Variants in NRXN3 observed in about 807,000 individuals in gnomAD.
The protein encoded by NRXN3 is neurexin III.
In NRXN3, 32 loss-of-function variants were observed where a neutral mutation model predicts 137.6. The observed-to-expected ratio is 0.23, with a 90% CI of 0.18 to 0.31. The LOEUF (loss-of-function observed/expected upper bound fraction) is 0.31, where lower values mean the gene tolerates loss of function less well. Ranked by LOEUF, NRXN3 falls within the 10% of genes least tolerant of loss-of-function variation. NRXN3 has a pLI of 1.00. For synonymous variants in NRXN3, 798 were observed against 784.5 expected, an observed-to-expected ratio of 1.02 and a Z score of -0.29; for missense variants, 1,574 against 2,062.5, an observed-to-expected ratio of 0.76 and a Z score of 4.59.
intron 4 of NRXN3, among the ~76,000 whole-genome samples, chr14:78,633,582 T>G (rs560950331): frequency 3.9e-5 from 6 of 152,292 alleles, no homozygotes; most frequent in African/African-American, 1.4e-4. Flanking sequence ...TTAATTTTTA[T>G]TAGTATCAGC....
intron 11 of NRXN3, among the ~76,000 whole-genome samples, chr14:78,958,566 A>G (rs189582769): frequency 7.3e-4 from 111 of 152,266 alleles, no homozygotes; most frequent in African/African-American, 2.5e-3. Context: ...CGTGTTAGCC[A>G]GGATGGTCTC....
At chr14:78,840,390 T>C (rs895868318) in intron 10 of NRXN3, among the ~76,000 whole-genome samples, 1 of 152,188 alleles carries the variant, frequency 6.6e-6, no homozygotes, top group Non-Finnish European at 1.5e-5. Context: ...GAAAAGAGAT[T>C]GGATCAATAT....
At chr14:79,822,828 CAAACAAAA>C (rs79628590) in intron 20 of NRXN3, among the ~76,000 whole-genome samples, 2,356 of 151,716 alleles carry the variant, frequency 0.016, 23 homozygotes, top group Middle Eastern at 0.027. Flanking sequence ...AACAAACAAA[CAAACAAAA>C]AAACCAAAAA....
intron 10 of NRXN3, among the ~76,000 whole-genome samples, chr14:78,819,286 A>G (rs2153120709): frequency 1.3e-5 from 2 of 152,340 alleles, no homozygotes; most frequent in South Asian, 4.1e-4. Context: ...TTGGTCCTCC[A>G]TAACTGCTGG....
intron 19 of NRXN3, among the ~76,000 whole-genome samples, chr14:79,717,521 T>C (rs1029498660): frequency 6.6e-6 from 1 of 152,280 alleles, no homozygotes; most frequent in African/African-American, 2.4e-5. Context: ...TACTTTGCAC[T>C]TTTTTTCCCC....
chr14:79,180,418 A>C (rs150526506), intron 15 of NRXN3, among the ~76,000 whole-genome samples: 1 of 152,336 alleles, frequency 6.6e-6, no homozygotes, highest in African/African-American at 2.4e-5. Flanking sequence ...AGTAGGAAAT[A>C]TCTGAGCATT....
intron 15 of NRXN3, among the ~76,000 whole-genome samples, chr14:79,225,659 C>T (rs755687742): frequency 1.3e-5 from 2 of 152,026 alleles, no homozygotes; most frequent in South Asian, 2.1e-4. Flanking sequence ...CTTTTTACCC[C>T]CTGAATCTAA....
chr14:79,849,614 G>A (rs1286675468), intron 20 of NRXN3, among the ~76,000 whole-genome samples: 4 of 152,180 alleles, frequency 2.6e-5, no homozygotes, highest in South Asian at 2.1e-4. Flanking sequence ...AACATGTGTC[G>A]ATGAGAGTGT....
At chr14:79,763,398 G>T (rs529565215) in intron 19 of NRXN3, among the ~76,000 whole-genome samples, 1 of 67,614 alleles carries the variant, frequency 1.5e-5, no homozygotes, top group African/African-American at 4.5e-5. Flanking sequence ...ATAGTAGAAT[G>T]ATTTATAATC....
intron 20 of NRXN3, among the ~76,000 whole-genome samples, chr14:79,824,464 G>A (rs2099285627): frequency 6.6e-6 from 1 of 151,990 alleles, no homozygotes; most frequent in Admixed American, 6.6e-5. Context: ...AGATCTTTCA[G>A]CAGATGTTGT....
chr14:78,286,650 A>C (rs892989677), intron 3 of NRXN3, among the ~76,000 whole-genome samples: 4 of 152,192 alleles, frequency 2.6e-5, no homozygotes, highest in Non-Finnish European at 5.9e-5. Flanking sequence ...TGCACTGGGC[A>C]GGTGGTCCGC....
chr14:79,763,741 C>T (rs1312893922), intron 19 of NRXN3, among the ~76,000 whole-genome samples: 6 of 151,420 alleles, frequency 4.0e-5, no homozygotes, highest in African/African-American at 7.4e-5. Context: ...ACCAGTTTTT[C>T]AAGAGAATTA....
At chr14:79,223,207 A>G (rs1197021427) in intron 15 of NRXN3, among the ~76,000 whole-genome samples, 1 of 152,094 alleles carries the variant, frequency 6.6e-6, no homozygotes, top group Non-Finnish European at 1.5e-5. Context: ...GAAGACTCAC[A>G]TTTCAATTCT....
intron 15 of NRXN3, among the ~76,000 whole-genome samples, chr14:79,125,862 T>C (rs1185817165): frequency 6.6e-6 from 1 of 152,184 alleles, no homozygotes; most frequent in Non-Finnish European, 1.5e-5. Flanking sequence ...CACTGCATGA[T>C]GTATACTTAC....
intron 4 of NRXN3, among the ~76,000 whole-genome samples, chr14:78,579,534 TAA>T (rs201034587): frequency 8.7e-4 from 120 of 137,468 alleles, no homozygotes; most frequent in Middle Eastern, 3.8e-3. Context: ...TGGTGGTGGT[TAA>T]AAAAAAAAAA....
intron 10 of NRXN3, among the ~76,000 whole-genome samples, chr14:78,931,253 G>A (rs969863357): frequency 1.3e-5 from 2 of 152,090 alleles, no homozygotes; most frequent in Non-Finnish European, 2.9e-5. Context: ...AGACCTTGGG[G>A]ATATAGCATG....
Position 79,863,019 on chromosome 14 carries a change from A to T in NRXN3, c.*1055A>T, listed in dbSNP as rs2099415768. The stretch of plus-strand genomic sequence containing the variant: ...TGACTGATTGAAATGCATGCAAATA[A>T]AAAAGACAATATTAAAGTCTGTTAT... On this transcript the variant is annotated 3_prime_UTR_variant, in exon 21 of 21. Coordinates refer to ENST00000335750, the MANE Select transcript of NRXN3 (RefSeq NM_001330195.2). 6.6e-6 allele frequency: 1 copy of T among 152,612 alleles called. No individual in the cohort carries two copies. Among genetic ancestry groups the T allele is most frequent in the Non-Finnish European group, 1.5e-5 (1 of 68,040 alleles). 9.5% of individuals were successfully genotyped at this position (152,612 alleles called of 1,614,324 possible).
chr14:78,961,213 A>G lies in NRXN3; in HGVS notation c.2395+3852A>G, dbSNP rs188832864. Among the ~76,000 whole-genome samples, 93 of 152,228 alleles carry G rather than the reference A, an allele frequency of 6.1e-4. 1 individual carries two copies. The highest frequency in any genetic ancestry group is 7.4e-5 in the Non-Finnish European group (5 of 68,014). The stretch of plus-strand genomic sequence containing the variant: ...TTTCTTAACTTCTCTCCCCACGTCT[A>G]AGGGCCATGAAAGGTCAATTTGCTT... On this transcript the variant is annotated intron_variant, in intron 11 of 20. Coordinates refer to ENST00000335750, the MANE Select transcript of NRXN3 (RefSeq NM_001330195.2).
intron 4 of NRXN3, among the ~76,000 whole-genome samples, chr14:78,386,838 CG>C (rs542017847): frequency 5.1e-4 from 77 of 151,678 alleles, no homozygotes; most frequent in African/African-American, 1.8e-3. Flanking sequence ...TGGAGTGCAG[CG>C]GTGCCATCTT....
Sources: gnomAD v4.1 joint callset for allele counts (sites outside exome capture counted in the v4.1 genomes callset) on GRCh38, gnomAD v4.1.1 for gene constraint, MANE v1.5 for transcripts, NCBI Gene and HGNC (gene_info 2026-07-23, HGNC 2026-07-21) for gene names.